Variants in MAGI2 observed in about 807,000 individuals in gnomAD.
The protein encoded by MAGI2 is membrane-associated guanylate kinase, WW and PDZ domain-containing protein 2.
Under a neutral mutation model 133.3 loss-of-function variants are expected in MAGI2, and 35 were observed. The observed-to-expected ratio is 0.26, with a 90% confidence interval of 0.20 to 0.35. MAGI2 has a LOEUF of 0.35. Ranked by LOEUF, MAGI2 falls within the 10% of genes least tolerant of loss-of-function variation. MAGI2 has a pLI of 1.00. For synonymous variants in MAGI2, 729 were observed against 710.6 expected (o/e 1.03, Z -0.41); for missense variants, 1,636 against 1,863.4 (o/e 0.88, Z 2.25).
chr7:78,428,536 G>A (rs985504363), intron 6 of MAGI2, among the ~76,000 whole-genome samples: 4 of 151,986 alleles, frequency 2.6e-5, no homozygotes, highest in East Asian at 3.9e-4. Flanking sequence ...GCCTTTTCAC[G>A]GTTTGTCAAA....
rs1825007226 is a variant in MAGI2 at position 79,167,122 on chromosome 7, AC to A, written c.302-159917del. ...TTGTTCCAATTTAATACCTTACTAT[AC>A]ATGCAGATACAGGCTTTATAGGGTC... On this transcript the variant is annotated intron_variant, in intron 1 of 21. Coordinates refer to ENST00000354212, the MANE Select transcript of MAGI2 (RefSeq NM_012301.4). Among the ~76,000 whole-genome samples the A allele has an allele frequency of 2.0e-5, 3 of 150,960 alleles. No individual in the cohort carries two copies. In the East Asian group the frequency reaches 5.9e-4, roughly 30 times the overall value.
chr7:78,528,043 A>G (rs1008161327), intron 3 of MAGI2, among the ~76,000 whole-genome samples: 1 of 152,192 alleles, frequency 6.6e-6, no homozygotes, highest in Admixed American at 6.5e-5. Context: ...GTGGTTCAGC[A>G]GAAGAGAGAT....
At chr7:79,408,468 G>A (rs1220938018) in intron 1 of MAGI2, among the ~76,000 whole-genome samples, 2 of 151,750 alleles carry the variant, frequency 1.3e-5, no homozygotes, top group Non-Finnish European at 2.9e-5. Flanking sequence ...TGGGTAAGGA[G>A]ATACTATAGG....
At chr7:78,991,307 GACACACACATAC>G (rs1340245788) in intron 2 of MAGI2, among the ~76,000 whole-genome samples, 2 of 127,174 alleles carry the variant, frequency 1.6e-5, no homozygotes, top group African/African-American at 5.9e-5. Flanking sequence ...TGGACTAATA[GACACACACATAC>G]ACACACACAC....
At chr7:78,296,272 A>G (rs563638647) in intron 9 of MAGI2, among the ~76,000 whole-genome samples, 4 of 152,310 alleles carry the variant, frequency 2.6e-5, no homozygotes, top group East Asian at 1.9e-4. Context: ...AACAGAGGCA[A>G]TCATCTCTGT....
At chr7:78,743,502 A>G (rs1166382802) in intron 2 of MAGI2, among the ~76,000 whole-genome samples, 2 of 152,174 alleles carry the variant, frequency 1.3e-5, no homozygotes, top group African/African-American at 4.8e-5. Flanking sequence ...CCTGCAGTAC[A>G]TTTTGCACTT....
chr7:79,344,918 C>A (rs1364971796), intron 1 of MAGI2, among the ~76,000 whole-genome samples: 1 of 152,002 alleles, frequency 6.6e-6, no homozygotes, highest in African/African-American at 2.4e-5. Flanking sequence ...GGAAAACAAT[C>A]CCTCTTCTGA....
At chr7:78,759,446 G>T (rs577009903) in intron 2 of MAGI2, among the ~76,000 whole-genome samples, 1 of 152,214 alleles carries the variant, frequency 6.6e-6, no homozygotes, top group Admixed American at 6.5e-5. Context: ...TCACAGCATG[G>T]TTGGGATATG....
At chr7:78,437,130 A>G (rs565851407) in intron 6 of MAGI2, among the ~76,000 whole-genome samples, 1 of 152,304 alleles carries the variant, frequency 6.6e-6, no homozygotes, top group East Asian at 1.9e-4. Flanking sequence ...TGTTAGCGAC[A>G]GAAATGCTAT....
intron 2 of MAGI2, among the ~76,000 whole-genome samples, chr7:78,891,835 C>G (rs1260661979): frequency 6.6e-6 from 1 of 152,188 alleles, no homozygotes; most frequent in Non-Finnish European, 1.5e-5. Flanking sequence ...GGGATGCCCT[C>G]TCTCACCACT....
In MAGI2 at chr7:78,029,809, GTTT is replaced by G. The variant is rs562773619; in HGVS notation, c.3707-9836_3707-9834del. Among the ~76,000 whole-genome samples the G allele has an allele frequency of 2.0e-5, 3 of 152,364 alleles. No homozygotes were observed. In the South Asian group the frequency reaches 6.2e-4, roughly 32 times the overall value. On this transcript the variant is annotated intron_variant, in intron 21 of 21. Transcript: ENST00000354212. ...GTCAGAGATTTGCTCACTAGCCTGT[GTTT>G]TTAAGTATTGGTAGCTGAGAGTTAA...
intron 3 of MAGI2, among the ~76,000 whole-genome samples, chr7:78,561,380 T>A (rs539765956): frequency 3.6e-4 from 55 of 152,314 alleles, no homozygotes; most frequent in Non-Finnish European, 6.3e-4. Context: ...CTTATATGCA[T>A]GTTGAAATAT....
At chr7:78,090,144 C>T (rs554584923) in intron 20 of MAGI2, among the ~76,000 whole-genome samples, 2 of 152,184 alleles carry the variant, frequency 1.3e-5, no homozygotes, top group Non-Finnish European at 2.9e-5. Context: ...TCAAATCCTC[C>T]AAGAAGCCAT....
chr7:78,629,943 C>T (rs1055182775), intron 2 of MAGI2, among the ~76,000 whole-genome samples: 22 of 151,748 alleles, frequency 1.4e-4, no homozygotes, highest in African/African-American at 4.6e-4. Context: ...TTTTCCTTTG[C>T]TTTTAGAATT....
intron 16 of MAGI2, among the ~76,000 whole-genome samples, chr7:78,150,193 A>G (rs1404101293): frequency 6.6e-6 from 1 of 152,184 alleles, no homozygotes; most frequent in Admixed American, 6.5e-5. Context: ...TGGACATCAA[A>G]AAGAAATATT....
chr7:78,458,294 C>CAA (rs11380893), intron 6 of MAGI2, among the ~76,000 whole-genome samples: 2,815 of 113,016 alleles, frequency 0.025, 49 homozygotes, highest in Non-Finnish European at 0.03. Flanking sequence ...AACTCGGTCT[C>CAA]AAAAAAAAAA....
chr7:79,135,476 G>T (rs184410233), intron 1 of MAGI2, among the ~76,000 whole-genome samples: 2 of 152,076 alleles, frequency 1.3e-5, no homozygotes, highest in Admixed American at 6.5e-5. Flanking sequence ...AATATTTATA[G>T]CACATACATG....
intron 1 of MAGI2, among the ~76,000 whole-genome samples, chr7:79,195,527 A>C (rs536491750): frequency 1.6e-4 from 24 of 152,156 alleles, no homozygotes; most frequent in Non-Finnish European, 3.1e-4. Flanking sequence ...AGTTATGTCC[A>C]CTTTGAAAAT....
chr7:79,276,438 A>T (rs1835231959), intron 1 of MAGI2, among the ~76,000 whole-genome samples: 1 of 152,202 alleles, frequency 6.6e-6, no homozygotes, highest in Non-Finnish European at 1.5e-5. Flanking sequence ...CTCCACCAGC[A>T]AATTAATTAT....
Sources: gnomAD v4.1 joint callset for allele counts (sites outside exome capture counted in the v4.1 genomes callset) on GRCh38, gnomAD v4.1.1 for gene constraint, MANE v1.5 for transcripts, NCBI Gene and HGNC (gene_info 2026-07-23, HGNC 2026-07-21) for gene names.